SEMA3A: variants seen among roughly 807,000 people sequenced by gnomAD.
The protein encoded by SEMA3A is semaphorin 3A.
A neutral mutation model predicts 97.9 loss-of-function variants in SEMA3A; 29 were observed. The observed-to-expected ratio is 0.30, with a 90% CI of 0.22 to 0.40. The LOEUF is 0.40. Among genes scored for constraint, SEMA3A ranks in the 10% least tolerant of loss-of-function variants. The pLI, the probability that SEMA3A is intolerant of heterozygous loss-of-function variation, is 1.00. For synonymous variants in SEMA3A, 321 were observed against 323.7 expected (o/e 0.99, Z 0.09); for missense variants, 763 against 951.3 (o/e 0.80, Z 2.60).
At chr7:84,242,498 G>A (rs945291830) in intron 3 of SEMA3A, among the ~76,000 whole-genome samples, 4 of 152,156 alleles carry the variant, frequency 2.6e-5, no homozygotes, top group Admixed American at 6.6e-5. Flanking sequence ...TGCTGAAGTT[G>A]CTTATCTGCT....
At chr7:84,430,789 T>TGTGTGTG (rs1562945573) in intron 1 of SEMA3A, among the ~76,000 whole-genome samples, 25 of 143,434 alleles carry the variant, frequency 1.7e-4, no homozygotes, top group East Asian at 1.2e-3. Flanking sequence ...AACATAAAAT[T>TGTGTGTG]TGTGTGTGTG....
chr7:84,123,751 A>G (rs968958045), intron 3 of SEMA3A, among the ~76,000 whole-genome samples: 1 of 88,054 alleles, frequency 1.1e-5, no homozygotes, highest in Non-Finnish European at 2.3e-5. Flanking sequence ...TATACAATTT[A>G]TTTCTTATTG....
intron 1 of SEMA3A, among the ~76,000 whole-genome samples, chr7:84,388,123 C>A (rs1024756706): frequency 6.6e-6 from 1 of 152,118 alleles, no homozygotes; most frequent in Non-Finnish European, 1.5e-5. Context: ...ACACAATAAA[C>A]AGAGTTTTCC....
intron 1 of SEMA3A, among the ~76,000 whole-genome samples, chr7:84,386,244 T>C (rs78946283): frequency 0.024 from 3,665 of 152,280 alleles, 48 homozygotes; most frequent in Non-Finnish European, 0.037. Flanking sequence ...CAGTGCTCAA[T>C]GCAACAAAGG....
chr7:84,285,673 A>T (rs1800563202), intron 3 of SEMA3A, among the ~76,000 whole-genome samples: 1 of 152,254 alleles, frequency 6.6e-6, no homozygotes, highest in Non-Finnish European at 1.5e-5. Flanking sequence ...TTGGCAAGGC[A>T]TGGTGGCTCA....
At chr7:84,243,230 C>G (rs545901232) in intron 3 of SEMA3A, among the ~76,000 whole-genome samples, 1 of 152,208 alleles carries the variant, frequency 6.6e-6, no homozygotes, top group East Asian at 1.9e-4. Flanking sequence ...ATGGTACCAG[C>G]TGCTCTTTGT....
chr7:84,238,068 A>T (rs953223397), intron 3 of SEMA3A, among the ~76,000 whole-genome samples: 3 of 151,712 alleles, frequency 2.0e-5, no homozygotes, highest in Non-Finnish European at 4.4e-5. Flanking sequence ...CCCAGAGGAT[A>T]TTCAATTTTT....
At chr7:84,491,181 A>G (rs1046931633) in intron 1 of SEMA3A, among the ~76,000 whole-genome samples, 13 of 152,170 alleles carry the variant, frequency 8.5e-5, no homozygotes, top group African/African-American at 3.1e-4. Context: ...ATGTCCATCT[A>G]TAATAGTTAG....
intron 2 of SEMA3A, among the ~76,000 whole-genome samples, chr7:84,319,831 T>C (rs2115903530): frequency 6.6e-6 from 1 of 152,336 alleles, no homozygotes; most frequent in Admixed American, 6.5e-5. Context: ...CATGTATTGC[T>C]AAATCACAAA....
In SEMA3A at chr7:84,011,171, C is replaced by T. The variant is rs573256050; in HGVS notation, c.925+12G>A. On this transcript the variant is annotated intron_variant, in intron 8 of 16. Coordinates refer to ENST00000265362, the MANE Select transcript of SEMA3A (RefSeq NM_006080.3). ...AACAAATATTCTCTATACATAAACA[C>T]TAGCTTCTTACGCAGTTCATCAAAA... 5.6e-6 allele frequency: 9 copies of T among 1,607,934 alleles called. No homozygotes were observed. In the African/African-American group the frequency reaches 1.2e-4, roughly 21 times the overall value.
At chr7:83,992,484 C>G (rs1188003818) in intron 12 of SEMA3A, among the ~76,000 whole-genome samples, 5 of 151,568 alleles carry the variant, frequency 3.3e-5, no homozygotes, top group African/African-American at 1.2e-4. Flanking sequence ...CTACACACTG[C>G]TTTGAATGCG....
intron 1 of SEMA3A, among the ~76,000 whole-genome samples, chr7:84,415,404 CAAAGTT>C (rs1307336064): frequency 1.3e-5 from 2 of 152,016 alleles, no homozygotes; most frequent in African/African-American, 4.8e-5. Flanking sequence ...ATTAATATAT[CAAAGTT>C]AAAGTTCTTG....
intron 13 of SEMA3A, among the ~76,000 whole-genome samples, chr7:83,984,608 C>CTTTTTTTTTTTTTTTTTTTTTTTTTTT (rs371082897): frequency 1.0e-5 from 1 of 98,880 alleles, no homozygotes; most frequent in Non-Finnish European, 1.9e-5. Context: ...GATTTTTCTG[C>CTTTTTTTTTTTTTTTTTTTTTTTTTTT]TTTTTTTTTT....
At chr7:84,024,917 G>A (rs556454361) in intron 6 of SEMA3A, among the ~76,000 whole-genome samples, 96 of 152,054 alleles carry the variant, frequency 6.3e-4, no homozygotes, top group Admixed American at 1.5e-3. Context: ...GTGAAACCCC[G>A]TCTCTACTAA....
chr7:84,268,105 T>C (rs1800049714), intron 3 of SEMA3A, among the ~76,000 whole-genome samples: 1 of 152,150 alleles, frequency 6.6e-6, no homozygotes, highest in Non-Finnish European at 1.5e-5. Context: ...CAAGTAGACA[T>C]AGCACCCAAT....
intron 1 of SEMA3A, among the ~76,000 whole-genome samples, chr7:84,170,821 T>C (rs576390707): frequency 1.3e-5 from 2 of 152,180 alleles, no homozygotes; most frequent in African/African-American, 4.8e-5. Context: ...CTTAAAATCT[T>C]GACTGTTGAA....
Position 83,968,804 on chromosome 7 carries a change from CTTTTTTT to C in SEMA3A, c.1718-5464_1718-5458del, listed in dbSNP as rs34837012. Among the ~76,000 whole-genome samples, 394 of 86,982 alleles carry C rather than the reference CTTTTTTT, an allele frequency of 4.5e-3. 2 individuals carry two copies. The highest frequency in any genetic ancestry group is 6.7e-3 in the Non-Finnish European group (320 of 47,418). The allele number at this position is 86,982 out of a possible 152,430, so 57.1% of individuals were successfully genotyped here. On this transcript the variant is annotated intron_variant, in intron 15 of 16. Coordinates refer to ENST00000265362, the MANE Select transcript of SEMA3A (RefSeq NM_006080.3). ...TTCTTTGTTTCTTTTCTTTTCTTTC[CTTTTTTT>C]TTTTTTTTTTTTTTTTGGAGAAAGA...
intron 1 of SEMA3A, among the ~76,000 whole-genome samples, chr7:84,481,926 TG>T (rs1806457300): frequency 6.6e-6 from 1 of 151,752 alleles, no homozygotes; most frequent in Non-Finnish European, 1.5e-5. Context: ...TAGTCATGAT[TG>T]ACTGTAAGTC....
chr7:84,454,306 T>A (rs1251410481), intron 1 of SEMA3A, among the ~76,000 whole-genome samples: 1 of 152,192 alleles, frequency 6.6e-6, no homozygotes, highest in African/African-American at 2.4e-5. Context: ...GTTTATTCTG[T>A]GAAACAGTAA....
Sources: allele counts gnomAD v4.1 joint callset (sites outside exome capture counted in the v4.1 genomes callset), GRCh38; gene constraint gnomAD v4.1.1; transcripts MANE v1.5; gene names NCBI Gene and HGNC (gene_info 2026-07-23, HGNC 2026-07-21).